Variants in FAT3 observed in about 807,000 individuals in gnomAD.
FAT3 encodes protocadherin Fat 3.
In FAT3, 95 loss-of-function variants were observed where a neutral mutation model predicts 310.2. The observed-to-expected ratio is 0.31, with a 90% confidence interval of 0.26 to 0.36. The LOEUF (loss-of-function observed/expected upper bound fraction) is 0.36, where lower values mean the gene tolerates loss of function less well. FAT3 is among the 10% of genes least tolerant of loss of function. The probability of loss-of-function intolerance (pLI) is 1.00; values close to 1 mark genes in which losing one functional copy is unlikely to be tolerated. For missense variants in FAT3, 5,408 were observed against 5,715.6 expected, an observed-to-expected ratio of 0.95 and a Z score of 1.74; for synonymous variants, 2,314 against 2,192.9, an observed-to-expected ratio of 1.06 and a Z score of -1.54.
chr11:92,323,828 T>C (rs889485876), intron 1 of FAT3, among the ~76,000 whole-genome samples: 9 of 152,196 alleles, frequency 5.9e-5, no homozygotes, highest in African/African-American at 2.2e-4. Context: ...TTTTGAAGCT[T>C]TGAAGTCTGG....
intron 4 of FAT3, among the ~76,000 whole-genome samples, chr11:92,698,913 G>A (rs1944016731): frequency 6.6e-6 from 1 of 152,184 alleles, no homozygotes; most frequent in African/African-American, 2.4e-5. Flanking sequence ...ATTATCTGAG[G>A]AGTCTGGCTG....
chr11:92,826,925 T>G (rs1443577920), intron 13 of FAT3, among the ~76,000 whole-genome samples: 2 of 152,128 alleles, frequency 1.3e-5, no homozygotes, highest in Admixed American at 1.3e-4. Context: ...GTTCCTTAAG[T>G]TTAGGGATCC....
chr11:92,271,164 A>G (rs1011723603), intron 1 of FAT3, among the ~76,000 whole-genome samples: 2 of 152,116 alleles, frequency 1.3e-5, no homozygotes, highest in East Asian at 1.9e-4. Context: ...TCCTTGTGCC[A>G]TAACACCTTC....
chr11:92,686,578 G>A (rs987252962), intron 3 of FAT3, among the ~76,000 whole-genome samples: 4 of 151,966 alleles, frequency 2.6e-5, no homozygotes, highest in African/African-American at 9.7e-5. Flanking sequence ...TAAGACAAAA[G>A]GGCAAGTTTG....
chr11:92,302,832 G>A (rs1947033960), intron 1 of FAT3, among the ~76,000 whole-genome samples: 1 of 152,114 alleles, frequency 6.6e-6, no homozygotes, highest in Non-Finnish European at 1.5e-5. Context: ...GTCATTTCAT[G>A]TATGTGGGTT....
intron 3 of FAT3, among the ~76,000 whole-genome samples, chr11:92,608,313 G>A (rs1034714287): frequency 5.3e-5 from 8 of 152,238 alleles, no homozygotes; most frequent in South Asian, 2.1e-4. Context: ...TTTATGTTAC[G>A]AGGATATTGA....
intron 4 of FAT3, among the ~76,000 whole-genome samples, chr11:92,714,807 C>A (rs1944626068): frequency 6.6e-6 from 1 of 152,082 alleles, no homozygotes; most frequent in Non-Finnish European, 1.5e-5. Context: ...CAGTTTCTAG[C>A]ATCTAATAAG....
chr11:92,265,377 G>A (rs544599432), intron 1 of FAT3, among the ~76,000 whole-genome samples: 8 of 152,090 alleles, frequency 5.3e-5, no homozygotes, highest in Non-Finnish European at 1.2e-4. Context: ...CAAGCATGGT[G>A]TTGGGAGCTG....
At chr11:92,581,743 C>T (rs755241857) in intron 3 of FAT3, among the ~76,000 whole-genome samples, 12 of 151,856 alleles carry the variant, frequency 7.9e-5, no homozygotes, top group Non-Finnish European at 1.5e-4. Context: ...TGTATGTATA[C>T]ATACACATAC....
At chr11:92,242,566 G>A (rs1864711073) in intron 1 of FAT3, among the ~76,000 whole-genome samples, 1 of 151,920 alleles carries the variant, frequency 6.6e-6, no homozygotes, top group Non-Finnish European at 1.5e-5. Flanking sequence ...GGAGGTCAAG[G>A]AGATAAATAA....
intron 2 of FAT3, chr11:92,498,380 A>T: frequency 8.8e-6 from 2 of 227,376 alleles, no homozygotes; most frequent in Non-Finnish European, 1.8e-5. Flanking sequence ...GAATCTATTT[A>T]TTGACCATTT....
chr11:92,684,236 C>A (rs1199757565), intron 3 of FAT3, among the ~76,000 whole-genome samples: 3 of 152,240 alleles, frequency 2.0e-5, no homozygotes, highest in African/African-American at 7.2e-5. Context: ...CCATTACAAA[C>A]CCTTAGTCCC....
At chr11:92,583,801 A>C (rs1437760188) in intron 3 of FAT3, among the ~76,000 whole-genome samples, 2 of 151,962 alleles carry the variant, frequency 1.3e-5, no homozygotes, top group African/African-American at 4.8e-5. Flanking sequence ...CGTTCATTTT[A>C]ATTGGAAAAG....
At chr11:92,780,197 T>C (rs1946710115) in intron 7 of FAT3, among the ~76,000 whole-genome samples, 1 of 149,224 alleles carries the variant, frequency 6.7e-6, no homozygotes, top group Non-Finnish European at 1.5e-5. Flanking sequence ...GGTCTCACTC[T>C]GTCACCCTGG....
chr11:92,334,274 G>A (rs372908072), intron 1 of FAT3, among the ~76,000 whole-genome samples: 2 of 152,120 alleles, frequency 1.3e-5, no homozygotes, highest in African/African-American at 2.4e-5. Context: ...TACTCAGGAG[G>A]TGGAGGTGGG....
intron 19 of FAT3, among the ~76,000 whole-genome samples, chr11:92,852,346 C>T (rs901435738): frequency 1.2e-4 from 18 of 152,270 alleles, no homozygotes; most frequent in Admixed American, 4.6e-4. Flanking sequence ...ACATCTGTCC[C>T]CTGCTAAGGA....
intron 1 of FAT3, among the ~76,000 whole-genome samples, chr11:92,267,387 A>G (rs1945996112): frequency 6.6e-6 from 1 of 152,116 alleles, no homozygotes; most frequent in African/African-American, 2.4e-5. Flanking sequence ...AACTTTAAGC[A>G]TAAGAAGAGA....
At chr11:92,369,114 T>C (rs976630678) in intron 2 of FAT3, among the ~76,000 whole-genome samples, 6 of 152,132 alleles carry the variant, frequency 3.9e-5, no homozygotes, top group Non-Finnish European at 8.8e-5. Flanking sequence ...ATGTAAAATG[T>C]AATCAAGGGG....
At chr11:92,539,431 A>G (rs776871726) in intron 3 of FAT3, among the ~76,000 whole-genome samples, 16 of 152,158 alleles carry the variant, frequency 1.1e-4, no homozygotes, top group Admixed American at 3.9e-4. Flanking sequence ...GAACTCTATC[A>G]ATCTTTTGCT....
Sources: allele counts gnomAD v4.1 joint callset (sites outside exome capture counted in the v4.1 genomes callset), GRCh38; gene constraint gnomAD v4.1.1; transcripts MANE v1.5; gene names NCBI Gene and HGNC (gene_info 2026-07-23, HGNC 2026-07-21).